Variants in MBD5 observed in about 807,000 individuals in gnomAD.
The protein encoded by MBD5 is methyl-CpG-binding domain protein 5.
MBD5 carries 13 observed loss-of-function variants against 117.3 expected under a neutral mutation model. That is an observed-to-expected ratio of 0.11 (90% CI 0.07 to 0.18). MBD5 has a LOEUF of 0.18. MBD5 is among the 10% of genes least tolerant of loss of function. The pLI, the probability that MBD5 is intolerant of heterozygous loss-of-function variation, is 1.00. For missense variants in MBD5, 1,879 were observed against 2,093.8 expected, an observed-to-expected ratio of 0.90 and a Z score of 2.00; for synonymous variants, 727 against 766.4, an observed-to-expected ratio of 0.95 and a Z score of 0.85.
intron 2 of MBD5, among the ~76,000 whole-genome samples, chr2:148,207,826 T>C (rs948034069): frequency 1.3e-5 from 2 of 152,232 alleles, no homozygotes; most frequent in East Asian, 1.9e-4. Context: ...GACATTAATA[T>C]ATGTTCATAT....
Position 148,177,108 on chromosome 2 carries a change from T to C in MBD5, c.-924-1592T>C, listed in dbSNP as rs201123176. On this transcript the variant is annotated intron_variant, in intron 1 of 13. Coordinates refer to ENST00000642680, the MANE Select transcript of MBD5 (RefSeq NM_001378120.1). ...TATTGATTTATTGCTGAAGTCCTAT[T>C]TACTATATGTTCAAAGTTCCTTCCT... is the stretch of plus-strand genomic sequence containing the variant. Among the ~76,000 whole-genome samples the C allele has an allele frequency of 2.6e-5, 4 of 152,200 alleles. No individual in the cohort carries two copies. In the East Asian group the frequency reaches 7.7e-4, roughly 29 times the overall value.
At chr2:148,183,013 T>C (rs1698565549) in intron 2 of MBD5, among the ~76,000 whole-genome samples, 1 of 152,206 alleles carries the variant, frequency 6.6e-6, no homozygotes, top group Non-Finnish European at 1.5e-5. Context: ...ACTACGACAG[T>C]ATCCTGCTTT....
intron 2 of MBD5, among the ~76,000 whole-genome samples, chr2:148,211,866 C>T (rs1415621029): frequency 6.6e-6 from 1 of 152,162 alleles, no homozygotes; most frequent in African/African-American, 2.4e-5. Context: ...CCACCTCAGC[C>T]TCCCAAGTGG....
chr2:148,194,762 A>G (rs1450739370), intron 2 of MBD5, among the ~76,000 whole-genome samples: 12 of 5,544 alleles, frequency 2.2e-3, no homozygotes, highest in African/African-American at 4.1e-3. Flanking sequence ...GAGTATAATA[A>G]GAAAAAAAAA....
In MBD5 at chr2:148,473,719, G is replaced by T. The variant is rs561419538; in HGVS notation, c.2518+3258G>T. 1.2e-4 allele frequency among the ~76,000 whole-genome samples: 18 copies of T among 152,168 alleles called. No individual in the cohort carries two copies. In the South Asian group the frequency reaches 2.3e-3, roughly 19 times the overall value. On this transcript the variant is annotated intron_variant, in intron 8 of 13. Transcript: ENST00000642680. Reference sequence around the variant, plus strand: ...CATTTAAAACATACAACTTAAGCATGGGAATTGAAGGCAAAGATAGTAGCA... The same window carrying T: ...CATTTAAAACATACAACTTAAGCATTGGAATTGAAGGCAAAGATAGTAGCA...
intron 10 of MBD5, among the ~76,000 whole-genome samples, chr2:148,487,484 T>C (rs529918568): frequency 2.0e-5 from 3 of 152,272 alleles, no homozygotes; most frequent in African/African-American, 7.2e-5. Context: ...ATCTTTATGA[T>C]AATATATATA....
At chr2:148,282,423 C>T (rs1197335493) in intron 3 of MBD5, among the ~76,000 whole-genome samples, 1 of 152,088 alleles carries the variant, frequency 6.6e-6, no homozygotes, top group African/African-American at 2.4e-5. Flanking sequence ...TTGCTTCCTG[C>T]ATGACTCATC....
At chr2:148,487,628 C>T (rs770689556) in intron 10 of MBD5, among the ~76,000 whole-genome samples, 1 of 152,082 alleles carries the variant, frequency 6.6e-6, no homozygotes, top group Non-Finnish European at 1.5e-5. Flanking sequence ...TAGTGGAATG[C>T]AGTTTTGCTG....
chr2:148,180,699 T>C (rs1224466470), intron 2 of MBD5, among the ~76,000 whole-genome samples: 1 of 151,920 alleles, frequency 6.6e-6, no homozygotes, highest in African/African-American at 2.4e-5. Flanking sequence ...CCCGGCATCT[T>C]TTTTTTAAAA....
At chr2:148,443,882 A>T (rs1173671875) in intron 4 of MBD5, among the ~76,000 whole-genome samples, 1 of 151,326 alleles carries the variant, frequency 6.6e-6, no homozygotes, top group African/African-American at 2.5e-5. Context: ...ACATTTTAAA[A>T]TAACTGAAAG....
chr2:148,433,223 A>T (rs1252805019), intron 4 of MBD5, among the ~76,000 whole-genome samples: 1 of 152,074 alleles, frequency 6.6e-6, no homozygotes, highest in Admixed American at 6.6e-5. Flanking sequence ...TTGTATTCTG[A>T]AACTTTGCTT....
chr2:148,150,471 T>C (rs1697624251), intron 1 of MBD5, among the ~76,000 whole-genome samples: 1 of 152,328 alleles, frequency 6.6e-6, no homozygotes, highest in African/African-American at 2.4e-5. Flanking sequence ...TTTCCAATTC[T>C]GTGAAGAAAG....
At chr2:148,125,405 T>A (rs1305469421) in intron 1 of MBD5, among the ~76,000 whole-genome samples, 2 of 152,224 alleles carry the variant, frequency 1.3e-5, no homozygotes, top group African/African-American at 4.8e-5. Flanking sequence ...TAAATTACTA[T>A]TAAATATACA....
At chr2:148,302,273 GTTAAGTTCTGTA>G (rs1351246903) in intron 3 of MBD5, among the ~76,000 whole-genome samples, 1 of 152,180 alleles carries the variant, frequency 6.6e-6, no homozygotes, top group African/African-American at 2.4e-5. Flanking sequence ...TGCTCATAGT[GTTAAGTTCTGTA>G]TTATTGTTCC....
chr2:148,426,217 C>A (rs1461353860), intron 4 of MBD5, among the ~76,000 whole-genome samples: 1 of 152,154 alleles, frequency 6.6e-6, no homozygotes, highest in South Asian at 2.1e-4. Flanking sequence ...GTGAAAATGG[C>A]CATACTGCCC....
At chr2:148,203,192 A>G (rs959336670) in intron 2 of MBD5, among the ~76,000 whole-genome samples, 1 of 152,150 alleles carries the variant, frequency 6.6e-6, no homozygotes, top group African/African-American at 2.4e-5. Context: ...CACAAATGAA[A>G]TTAAAAGGCA....
At chr2:148,506,309 C>T (rs1487884367) in intron 12 of MBD5, among the ~76,000 whole-genome samples, 1 of 152,120 alleles carries the variant, frequency 6.6e-6, no homozygotes, top group Non-Finnish European at 1.5e-5. Flanking sequence ...TTCATTTAAG[C>T]GAGGAGCAAA....
At chr2:148,041,802 G>A (rs1040515021) in intron 1 of MBD5, among the ~76,000 whole-genome samples, 14 of 152,088 alleles carry the variant, frequency 9.2e-5, no homozygotes, top group African/African-American at 3.1e-4. Context: ...CTCCAAAAAC[G>A]TAAAAATCCT....
intron 4 of MBD5, among the ~76,000 whole-genome samples, chr2:148,386,706 G>A (rs1158241699): frequency 4.4e-4 from 53 of 120,024 alleles, no homozygotes; most frequent in African/African-American, 1.3e-3. Context: ...GCGACAGAGC[G>A]AGACTCCGTC....
Sources: gnomAD v4.1 joint callset for allele counts (sites outside exome capture counted in the v4.1 genomes callset) on GRCh38, gnomAD v4.1.1 for gene constraint, MANE v1.5 for transcripts, NCBI Gene and HGNC (gene_info 2026-07-23, HGNC 2026-07-21) for gene names.